Variants in SNRPN observed in about 807,000 individuals in gnomAD.
SNRPN encodes small nuclear ribonucleoprotein polypeptide N.
In SNRPN, 7 loss-of-function variants were observed where a neutral mutation model predicts 25.2. The observed-to-expected ratio is 0.28, with a 90% CI of 0.16 to 0.52. The LOEUF (loss-of-function observed/expected upper bound fraction) is 0.52, where lower values mean the gene tolerates loss of function less well. SNRPN is among the 20% of genes least tolerant of loss of function. The pLI, the probability that SNRPN is intolerant of heterozygous loss-of-function variation, is 0.96. For missense variants in SNRPN, 196 were observed against 322.5 expected, an observed-to-expected ratio of 0.61 and a Z score of 3.00; for synonymous variants, 124 against 110.6, an observed-to-expected ratio of 1.12 and a Z score of -0.76.
intron 3 of SNRPN, among the ~76,000 whole-genome samples, chr15:24,969,804 T>A (rs1250638237): frequency 6.6e-6 from 1 of 152,196 alleles, no homozygotes; most frequent in Non-Finnish European, 1.5e-5. Context: ...GAAGAAGGGT[T>A]GGTAATATAT....
chr15:24,862,889 A>G (rs2054123905), intron 1 of SNRPN, among the ~76,000 whole-genome samples: 1 of 150,592 alleles, frequency 6.6e-6, no homozygotes, highest in Admixed American at 6.6e-5. Flanking sequence ...AGTGGGTTGG[A>G]AGGATCGCTG....
chr15:24,840,340 A>C (rs1411350203), intron 2 of SNRPN, among the ~76,000 whole-genome samples: 3 of 152,208 alleles, frequency 2.0e-5, no homozygotes, highest in Non-Finnish European at 4.4e-5. Context: ...CCTGGGCAAC[A>C]AAAGTGAAAC....
intron 4 of SNRPN, 39 bp downstream of exon 4, chr15:24,974,495 T>C: frequency 6.2e-7 from 1 of 1,605,956 alleles, no homozygotes; most frequent in African/African-American, 1.3e-5. Flanking sequence ...AAATGTGCTG[T>C]AAGGGCCGAA....
At chr15:24,835,318 T>C (rs572659202) in intron 2 of SNRPN, among the ~76,000 whole-genome samples, 3 of 151,898 alleles carry the variant, frequency 2.0e-5, no homozygotes, top group Non-Finnish European at 1.5e-5. Flanking sequence ...TTGCTAGCTG[T>C]AGTAAATGTG....
intron 2 of SNRPN, among the ~76,000 whole-genome samples, chr15:24,900,453 G>GT (rs1487091688): frequency 1.3e-5 from 2 of 152,118 alleles, no homozygotes; most frequent in African/African-American, 4.8e-5. Flanking sequence ...TTTCTTACCA[G>GT]TTTAAGTAGC....
upstream of SNRPN, among the ~76,000 whole-genome samples, chr15:24,854,339 A>T (rs933627239): frequency 2.6e-5 from 4 of 152,210 alleles, no homozygotes; most frequent in Non-Finnish European, 5.9e-5. Context: ...TAATGCATTT[A>T]TTTCTGCAAA....
Position 24,898,783 on chromosome 15 carries a change from C to T in SNRPN, c.-505+12194C>T, listed in dbSNP as rs534978849. On this transcript the variant is annotated intron_variant, in intron 2 of 11. Transcript: ENST00000400097. The stretch of plus-strand genomic sequence containing the variant: ...CGGACCCAACACCAGGCCGTGGGGG[C>T]GATGAAGTCCCACGGAGTCAAAGGA... Among the ~76,000 whole-genome samples, 14 of 151,944 alleles carry T rather than the reference C, an allele frequency of 9.2e-5. No individual in the cohort carries two copies. In the South Asian group the frequency reaches 2.3e-3, roughly 25 times the overall value.
intron 3 of SNRPN, among the ~76,000 whole-genome samples, chr15:24,942,801 A>C (rs768041612): frequency 2.0e-5 from 3 of 152,002 alleles, no homozygotes; most frequent in Non-Finnish European, 2.9e-5. Flanking sequence ...TAGATTGGGC[A>C]CTCAGTGGTG....
Position 24,865,642 on chromosome 15 carries a change from C to A in SNRPN, c.-579+8926C>A, listed in dbSNP as rs114834019. The stretch of plus-strand genomic sequence containing the variant: ...AGCTGCTAGAGAAAAAGATAAACCT[C>A]CTGTCAGTTAGAACATAGTTTATTC... On this transcript the variant is annotated intron_variant, in intron 1 of 11. Transcript: ENST00000400097. 7.0e-3 allele frequency among the ~76,000 whole-genome samples: 1,066 copies of A among 152,268 alleles called. 10 individuals are homozygous for A. Among genetic ancestry groups the A allele is most frequent in the African/African-American group, 0.024 (1,009 of 41,564 alleles).
intron 1 of SNRPN, among the ~76,000 whole-genome samples, chr15:24,875,461 T>C (rs926473829): frequency 6.6e-6 from 1 of 152,204 alleles, no homozygotes; most frequent in Non-Finnish European, 1.5e-5. Context: ...ATTAAATCGT[T>C]TTTAAGTTCA....
chr15:24,923,769 G>A (rs1048290665), intron 3 of SNRPN, among the ~76,000 whole-genome samples: 4 of 151,998 alleles, frequency 2.6e-5, no homozygotes, highest in African/African-American at 9.7e-5. Context: ...AGTCAGGATG[G>A]TGGTTACCTG....
chr15:24,922,514 C>T (rs567814815), intron 3 of SNRPN, among the ~76,000 whole-genome samples: 12 of 152,300 alleles, frequency 7.9e-5, no homozygotes, highest in East Asian at 5.8e-4. Flanking sequence ...CCTCAAAACT[C>T]GTGGGTATCC....
At position 24,884,003 on chromosome 15, in the gene SNRPN, C is replaced by CT. The variant is rs2056966475; in HGVS notation, c.-578-2512dup. Among the ~76,000 whole-genome samples, 5 of 56,138 alleles carry CT rather than the reference C, an allele frequency of 8.9e-5. No individual in the cohort carries two copies. In the Admixed American group the frequency reaches 1.1e-3, roughly 13 times the overall value. The allele number at this position is 56,138 out of a possible 152,430, so 36.8% of individuals were successfully genotyped here. A position where few individuals can be genotyped will look rare whatever the true frequency, so the allele number is the denominator to read the frequency against. On this transcript the variant is annotated intron_variant, in intron 1 of 11. Transcript: ENST00000400097. ...CTGGGACAACAGAGCCCCACTCTGT[C>CT]TAAAAAAAAAAAAAAAAAGAATGTA...
chr15:24,968,664 C>T (rs1192636169), intron 3 of SNRPN: 2 of 152,498 alleles, frequency 1.3e-5, no homozygotes, highest in East Asian at 3.8e-4. Flanking sequence ...ATTATAAATA[C>T]ACAGCACATA....
chr15:24,834,131 G>C (rs571482758), intron 2 of SNRPN, among the ~76,000 whole-genome samples: 2 of 152,158 alleles, frequency 1.3e-5, no homozygotes, highest in African/African-American at 4.8e-5. Flanking sequence ...TCACCATGTT[G>C]GTCAGGCTTG....
intron 3 of SNRPN, among the ~76,000 whole-genome samples, chr15:24,932,954 T>C (rs1431029053): frequency 6.6e-6 from 1 of 152,152 alleles, no homozygotes; most frequent in African/African-American, 2.4e-5. Flanking sequence ...TGGCCAAGTC[T>C]GTAATCTTGA....
intron 2 of SNRPN, among the ~76,000 whole-genome samples, chr15:24,895,272 A>G (rs1045280355): frequency 2.0e-5 from 3 of 152,174 alleles, no homozygotes; most frequent in African/African-American, 7.2e-5. Flanking sequence ...GAAAGGTGAG[A>G]AAGTCCTTCC....
intron 2 of SNRPN, among the ~76,000 whole-genome samples, chr15:24,895,413 A>G (rs557685610): frequency 0.018 from 2,658 of 149,958 alleles, 79 homozygotes; most frequent in African/African-American, 0.061. Context: ...ACACACACAC[A>G]CACACACACA....
chr15:24,931,045 G>C (rs1372564496), intron 3 of SNRPN, among the ~76,000 whole-genome samples: 1 of 152,102 alleles, frequency 6.6e-6, no homozygotes, highest in Non-Finnish European at 1.5e-5. Flanking sequence ...GTGAGACTCT[G>C]TCTCAAAAAA....
Sources: gnomAD v4.1 joint callset for allele counts (sites outside exome capture counted in the v4.1 genomes callset) on GRCh38, gnomAD v4.1.1 for gene constraint, MANE v1.5 for transcripts, NCBI Gene and HGNC (gene_info 2026-07-23, HGNC 2026-07-21) for gene names.